Variants in ROBO1 observed in about 807,000 individuals in gnomAD.
The protein encoded by ROBO1 is roundabout homolog 1.
A neutral mutation model predicts 195.9 loss-of-function variants in ROBO1; 149 were observed. The ratio of observed to expected loss-of-function variants is 0.76; its 90% CI spans 0.67 to 0.87. The LOEUF is 0.87. Among genes scored for constraint, ROBO1 ranks in the 40% least tolerant of loss-of-function variants. The pLI is 0.00. For missense variants in ROBO1, 1,933 were observed against 2,068.3 expected (o/e 0.93, Z 1.27); for synonymous variants, 816 against 733.2 (o/e 1.11, Z -1.82).
chr3:79,187,174 T>G (rs1047052022), intron 2 of ROBO1, among the ~76,000 whole-genome samples: 4 of 152,044 alleles, frequency 2.6e-5, no homozygotes, highest in African/African-American at 9.7e-5. Flanking sequence ...TGTAATGTAT[T>G]CCAGAGAGGT....
intron 3 of ROBO1, among the ~76,000 whole-genome samples, chr3:79,092,219 G>C: frequency 6.6e-6 from 1 of 152,128 alleles, no homozygotes; most frequent in Admixed American, 6.6e-5. Context: ...AAAGATATTT[G>C]AATCAACAAC....
chr3:79,016,450 T>C (rs2108245123), intron 3 of ROBO1, among the ~76,000 whole-genome samples: 1 of 152,338 alleles, frequency 6.6e-6, no homozygotes, highest in Non-Finnish European at 1.5e-5. Flanking sequence ...CTAGAAATTT[T>C]AGATTTCTAA....
intron 2 of ROBO1, among the ~76,000 whole-genome samples, chr3:79,418,995 T>A (rs559465006): frequency 4.8e-4 from 73 of 151,986 alleles, no homozygotes; most frequent in African/African-American, 1.6e-3. Flanking sequence ...AGTGAAAAGA[T>A]CAGGAAAAAG....
chr3:78,952,029 A>G (rs2040819984), intron 3 of ROBO1, among the ~76,000 whole-genome samples: 1 of 151,574 alleles, frequency 6.6e-6, no homozygotes, highest in African/African-American at 2.4e-5. Flanking sequence ...CATGACATTA[A>G]TATTTACCTT....
At chr3:79,097,113 G>A (rs112315314) in intron 3 of ROBO1, among the ~76,000 whole-genome samples, 77 of 151,824 alleles carry the variant, frequency 5.1e-4, no homozygotes, top group African/African-American at 1.6e-3. Flanking sequence ...TAGACACAGC[G>A]AATACTAAAA....
At chr3:79,611,366 A>C (rs1435465999) in intron 1 of ROBO1, among the ~76,000 whole-genome samples, 1 of 152,114 alleles carries the variant, frequency 6.6e-6, no homozygotes, top group Non-Finnish European at 1.5e-5. Flanking sequence ...AATTCAAATT[A>C]AAATCATTTG....
At chr3:79,366,414 C>T (rs1337235556) in intron 2 of ROBO1, among the ~76,000 whole-genome samples, 1 of 152,152 alleles carries the variant, frequency 6.6e-6, no homozygotes, top group Non-Finnish European at 1.5e-5. Context: ...GAAATGTACT[C>T]TTCACCTCTA....
intron 3 of ROBO1, among the ~76,000 whole-genome samples, chr3:79,100,167 C>T (rs1297058054): frequency 1.3e-5 from 2 of 151,678 alleles, no homozygotes; most frequent in African/African-American, 2.4e-5. Context: ...AATAATGATA[C>T]CAAACACATC....
intron 4 of ROBO1, among the ~76,000 whole-genome samples, chr3:78,854,160 G>A (rs1246225241): frequency 6.6e-6 from 1 of 151,518 alleles, no homozygotes; most frequent in Non-Finnish European, 1.5e-5. Flanking sequence ...TAATCTGTGG[G>A]CATGCCCTGT....
chr3:78,878,245 A>G lies in ROBO1; in HGVS notation c.499+60356T>C, dbSNP rs140465269. ...ACCTCAGCAAAACTCCAATGTCTAAATGCCACAGACCTTGCAAGATACTAA... is the reference window on the plus strand; with the variant it reads ...ACCTCAGCAAAACTCCAATGTCTAAGTGCCACAGACCTTGCAAGATACTAA... On this transcript the variant is annotated intron_variant, in intron 4 of 30. Transcript: ENST00000464233. Among the ~76,000 whole-genome samples, 244 of 152,190 alleles carry G rather than the reference A, an allele frequency of 1.6e-3. 5 individuals carry two copies. The East Asian group carries it at 0.034, about 21-fold the overall frequency.
chr3:79,265,102 C>G (rs2083014312), intron 2 of ROBO1, among the ~76,000 whole-genome samples: 1 of 151,768 alleles, frequency 6.6e-6, no homozygotes. Flanking sequence ...TCCAAAATCA[C>G]ATTAGGTTAA....
At chr3:79,127,393 C>T (rs2080236635) in intron 2 of ROBO1, among the ~76,000 whole-genome samples, 1 of 152,106 alleles carries the variant, frequency 6.6e-6, no homozygotes, top group Non-Finnish European at 1.5e-5. Flanking sequence ...AGAAAACCAC[C>T]CTGCTTACCT....
intron 2 of ROBO1, among the ~76,000 whole-genome samples, chr3:79,176,172 T>G (rs2081259205): frequency 6.6e-6 from 1 of 152,134 alleles, no homozygotes. Flanking sequence ...AATGCAAGAG[T>G]GTGTTCAAAG....
chr3:79,135,890 G>C (rs543170430), intron 2 of ROBO1, among the ~76,000 whole-genome samples: 24 of 152,252 alleles, frequency 1.6e-4, no homozygotes, highest in African/African-American at 5.8e-4. Context: ...ACCCGCCTTG[G>C]CCTCCCAAAG....
chr3:79,095,023 T>C (rs1236569400), intron 3 of ROBO1, among the ~76,000 whole-genome samples: 2 of 151,606 alleles, frequency 1.3e-5, no homozygotes. Flanking sequence ...CATCCTGAGA[T>C]GCACTGAGGT....
intron 2 of ROBO1, among the ~76,000 whole-genome samples, chr3:79,355,076 G>T (rs1370453163): frequency 1.3e-5 from 2 of 152,006 alleles, no homozygotes; most frequent in Non-Finnish European, 2.9e-5. Context: ...TGAGGCAGGA[G>T]AATTGCTTGA....
chr3:78,997,038 GA>G, intron 3 of ROBO1, among the ~76,000 whole-genome samples: 1 of 152,242 alleles, frequency 6.6e-6, no homozygotes, highest in South Asian at 2.1e-4. Context: ...ATAAATGGGG[GA>G]TGCTATCTAC....
Position 79,674,382 on chromosome 3 carries a change from A to G in ROBO1, c.-50-84421T>C, listed in dbSNP as rs1946720195. Among the ~76,000 whole-genome samples the G allele has an allele frequency of 2.6e-5, 4 of 151,952 alleles. No individual in the cohort carries two copies. In the South Asian group the frequency reaches 8.3e-4, roughly 31 times the overall value. ...AAAGCATAAATTTATTTTGACCTTC[A>G]TACTATCTTTTAAAGACAACATTTT... On this transcript the variant is annotated intron_variant, in intron 1 of 30. Transcript: ENST00000464233.
intron 2 of ROBO1, among the ~76,000 whole-genome samples, chr3:79,416,292 A>G (rs569359539): frequency 6.6e-6 from 1 of 152,036 alleles, no homozygotes; most frequent in African/African-American, 2.4e-5. Flanking sequence ...GTGGAGATAG[A>G]AAGAAGTATA....
Sources: gnomAD v4.1 joint callset for allele counts (sites outside exome capture counted in the v4.1 genomes callset) on GRCh38, gnomAD v4.1.1 for gene constraint, MANE v1.5 for transcripts, NCBI Gene and HGNC (gene_info 2026-07-23, HGNC 2026-07-21) for gene names.